LY6S: variants seen among roughly 807,000 people sequenced by gnomAD.
The protein encoded by LY6S is lymphocyte antigen 6S.
At chr8:143,055,043 C>T in the LY6S span, among the ~76,000 whole-genome samples, 27 of 152,146 alleles carry the variant, frequency 1.8e-4, no homozygotes, top group Non-Finnish European at 5.9e-5. Context: ...GGTCGTAGAA[C>T]GAATTAAAAA....
the LY6S span, among the ~76,000 whole-genome samples, chr8:143,067,644 A>C: frequency 6.6e-6 from 1 of 152,214 alleles, no homozygotes. Flanking sequence ...GGATTTATTG[A>C]TCACTATTTT....
At chr8:143,057,168 C>A in the LY6S span, 5 of 352,794 alleles carry the variant, frequency 1.4e-5, no homozygotes, top group South Asian at 3.2e-5. Context: ...ATGTTTCCAA[C>A]ACCCCCTTTT....
the LY6S span, among the ~76,000 whole-genome samples, chr8:143,072,476 C>A: frequency 8.7e-5 from 6 of 69,270 alleles, no homozygotes; most frequent in African/African-American, 4.9e-4. Flanking sequence ...GACAGCCGTC[C>A]TCCCCGGGGT....
chr8:143,065,918 C>T, the LY6S span: 4 of 266,832 alleles, frequency 1.5e-5, no homozygotes, highest in African/African-American at 4.6e-5. Context: ...CAGTTCCTCA[C>T]GTGGGCTTTG....
chr8:143,052,869 A>G, the LY6S span, among the ~76,000 whole-genome samples: 1 of 152,230 alleles, frequency 6.6e-6, no homozygotes, highest in Non-Finnish European at 1.5e-5. Flanking sequence ...AAGGAAACTT[A>G]GTCTTTTTGA....
the LY6S span, among the ~76,000 whole-genome samples, chr8:143,054,487 G>A: frequency 8.6e-5 from 13 of 151,902 alleles, no homozygotes; most frequent in Non-Finnish European, 1.5e-4. Flanking sequence ...ATAGAAAACC[G>A]CCTCTTATAG....
the LY6S span, among the ~76,000 whole-genome samples, chr8:143,071,761 C>T: frequency 6.6e-6 from 1 of 152,286 alleles, no homozygotes; most frequent in African/African-American, 2.4e-5. Context: ...CTGTGAGGTT[C>T]CCGTCTACGC....
At chr8:143,070,409 TATGTATATATA>T in the LY6S span, among the ~76,000 whole-genome samples, 3 of 118,636 alleles carry the variant, frequency 2.5e-5, no homozygotes, top group African/African-American at 1.2e-4. Context: ...ATTTTTTATT[TATGTATATATA>T]TTTATATATA....
chr8:143,048,108 A>C, the LY6S span: 1 of 151,794 alleles, frequency 6.6e-6, no homozygotes, highest in African/African-American at 2.4e-5. Flanking sequence ...TGCGTCATTC[A>C]CTCCAGTTTC....
chr8:143,073,547 T>A, the LY6S span, among the ~76,000 whole-genome samples: 1 of 148,226 alleles, frequency 6.7e-6, no homozygotes, highest in Non-Finnish European at 1.5e-5. Context: ...GGGTCCCTGT[T>A]TGAGGAGACA....
At chr8:143,047,538 A>C in the LY6S span, 1 of 152,218 alleles carries the variant, frequency 6.6e-6, no homozygotes, top group East Asian at 1.9e-4. Flanking sequence ...TACAGTCAAC[A>C]CAGTAAGCCT....
At chr8:143,054,630 C>T in the LY6S span, among the ~76,000 whole-genome samples, 1 of 152,194 alleles carries the variant, frequency 6.6e-6, no homozygotes, top group Non-Finnish European at 1.5e-5. Flanking sequence ...GACAGCGCTC[C>T]ATCGCTTACA....
chr8:143,072,847 G>A, the LY6S span, among the ~76,000 whole-genome samples: 7 of 123,196 alleles, frequency 5.7e-5, no homozygotes, highest in African/African-American at 1.4e-4. Flanking sequence ...GGAGACAGCC[G>A]TCGTCCTCGT....
chr8:143,049,278 ATTGGAACACCT>A, the LY6S span: 2 of 534,746 alleles, frequency 3.7e-6, no homozygotes, highest in East Asian at 1.1e-4. Flanking sequence ...ATCTGTAAAA[ATTGGAACACCT>A]TTCGGCTAGG....
the LY6S span, among the ~76,000 whole-genome samples, chr8:143,066,840 G>A: frequency 9.9e-5 from 15 of 152,280 alleles, no homozygotes; most frequent in Admixed American, 6.5e-4. Flanking sequence ...GAGAAGGGAC[G>A]ATCTTACTTT....
chr8:143,068,872 G>A, the LY6S span, among the ~76,000 whole-genome samples: 7 of 152,066 alleles, frequency 4.6e-5, no homozygotes, highest in African/African-American at 1.7e-4. Flanking sequence ...TGTTTATCCT[G>A]TCACTGCAGG....
At chr8:143,045,341 G>T in the LY6S span, among the ~76,000 whole-genome samples, 1 of 152,170 alleles carries the variant, frequency 6.6e-6, no homozygotes, top group Non-Finnish European at 1.5e-5. The surrounding 1 kb of genome is among the most constrained non-coding windows in gnomAD (Gnocchi z 5.3). Context: ...ATGGCCTGGA[G>T]ACTGCTCATT....
chr8:143,072,315 G>A, the LY6S span, among the ~76,000 whole-genome samples: 26 of 114,208 alleles, frequency 2.3e-4, no homozygotes, highest in East Asian at 6.4e-4. Context: ...CGTCCCCGGG[G>A]CTCCTGTTAG....
chr8:143,057,863 G>T, the LY6S span: 1 of 684,112 alleles, frequency 1.5e-6, no homozygotes. Flanking sequence ...GGGGGCCTGT[G>T]TCGGGTGCCA....
Sources: allele counts gnomAD v4.1 joint callset (sites outside exome capture counted in the v4.1 genomes callset), GRCh38; gene constraint gnomAD v4.1.1; non-coding constraint Gnocchi (gnomAD v3.1); transcripts MANE v1.5; gene names NCBI Gene and HGNC (gene_info 2026-07-23, HGNC 2026-07-21).